Variants in STRN4 observed in about 807,000 individuals in gnomAD.
The protein encoded by STRN4 is striatin 4.
In STRN4, 27 loss-of-function variants were observed where a neutral mutation model predicts 77.9. The observed-to-expected ratio is 0.35, with a 90% CI of 0.26 to 0.48. The LOEUF is 0.48. Among genes scored for constraint, STRN4 ranks in the 20% least tolerant of loss-of-function variants. The pLI, the probability that STRN4 is intolerant of heterozygous loss-of-function variation, is 0.99. For synonymous variants in STRN4, 466 were observed against 443.1 expected, an observed-to-expected ratio of 1.05 and a Z score of -0.65; for missense variants, 798 against 1,049.7, an observed-to-expected ratio of 0.76 and a Z score of 3.31.
intron 6 of STRN4, among the ~76,000 whole-genome samples, 189 bp downstream of exon 6, chr19:46,730,543 G>A (rs936408333): frequency 1.3e-5 from 2 of 152,164 alleles, no homozygotes; most frequent in African/African-American, 2.4e-5. Flanking sequence ...CCACCACAAC[G>A]CGTCCTTCTG....
At position 46,728,639 on chromosome 19, in the gene STRN4, C is replaced by A; in HGVS notation, c.1018G>T (p.Asp340Tyr). 1.2e-6 allele frequency: 2 copies of A among 1,613,888 alleles called. No homozygotes were observed. Among genetic ancestry groups the A allele is most frequent in the South Asian group, 1.1e-5 (1 of 91,082 alleles). ...TCACCCAGCTCATGGGGGCTCCCAT[C>A]CACAGTGCACCGCCGAGGGTCTGGA... Reference protein sequence around the residue: ...GAPDPRRCTVDGSPHELESRR... With the variant: ...GAPDPRRCTVYGSPHELESRR... The change falls in exon 7 of 18, where the codon GAT (aspartate) becomes TAT (tyrosine). Residue 340 changes from aspartate to tyrosine, a missense_variant. By Grantham distance (160) the Asp-to-Tyr change is radical (BLOSUM62 -3). This residue lies in a region of STRN4 where 511 missense variants were observed against 575.9 expected (regional missense o/e 0.89). Transcript: ENST00000263280.
intron 1 of STRN4, among the ~76,000 whole-genome samples, chr19:46,742,853 GC>G (rs1303805566): frequency 6.6e-6 from 1 of 152,200 alleles, no homozygotes; most frequent in Non-Finnish European, 1.5e-5. Context: ...GAGCCACCGC[GC>G]CCAGCCCAAT....
At position 46,733,253 on chromosome 19, in the gene STRN4, C is replaced by T; in HGVS notation, c.540-17G>A. 1.2e-6 allele frequency: 2 copies of T among 1,605,308 alleles called. No homozygotes were observed. The highest frequency in any genetic ancestry group is 1.7e-6 in the Non-Finnish European group (2 of 1,178,708). ...TCCAGGTACCTGCAGGGGTGCAGAG[C>T]CACGTGGGTCAGACATCCCCTGGGC... On this transcript the variant is annotated splice_polypyrimidine_tract_variant and intron_variant, in intron 4 of 17. Coordinates refer to ENST00000263280, the MANE Select transcript of STRN4 (RefSeq NM_013403.3). This position sits in a 1 kb window ranked among gnomAD's most constrained non-coding sequence, Gnocchi z 4.3.
At chr19:46,744,170 T>C (rs1229821615) in intron 1 of STRN4, among the ~76,000 whole-genome samples, 2 of 152,186 alleles carry the variant, frequency 1.3e-5, no homozygotes, top group Admixed American at 1.3e-4. Context: ...GGTACCGTTA[T>C]TGCTGAGTGA....
chr19:46,739,070 T>A (rs2054426282), intron 1 of STRN4, among the ~76,000 whole-genome samples, 182 bp from the exon 2 acceptor site: 1 of 152,154 alleles, frequency 6.6e-6, no homozygotes, highest in Non-Finnish European at 1.5e-5. Context: ...ACAGGATGGA[T>A]CTGTTTCCAG....
chr19:46,734,098 G>A (rs975299081), intron 4 of STRN4, among the ~76,000 whole-genome samples: 2 of 152,184 alleles, frequency 1.3e-5, no homozygotes, highest in African/African-American at 4.8e-5. Flanking sequence ...GTGTGTCTGA[G>A]GCTCCTATCT....
At position 46,741,770 on chromosome 19, in the gene STRN4, C is replaced by T. The variant is rs1196749977; in HGVS notation, c.283-2882G>A. Among the ~76,000 whole-genome samples, 1 of 152,240 alleles carries T rather than the reference C, an allele frequency of 6.6e-6. No homozygotes were observed. Among genetic ancestry groups the T allele is most frequent in the African/African-American group, 2.4e-5 (1 of 41,468 alleles). On this transcript the variant is annotated intron_variant, in intron 1 of 17. Coordinates refer to ENST00000263280, the MANE Select transcript of STRN4 (RefSeq NM_013403.3). This position sits in a 1 kb window ranked among gnomAD's most constrained non-coding sequence, Gnocchi z 4.9. ...AGGAGTCCCAGCAATTCAGTCCTCC[C>T]AGGAGCTGATGCCTCTCTGAATTCG...
chr19:46,736,789 C>A (rs1212182026), intron 4 of STRN4, 34 bp downstream of exon 4: 3 of 1,605,212 alleles, frequency 1.9e-6, no homozygotes, highest in Non-Finnish European at 2.6e-6. Flanking sequence ...AAACGTGTCA[C>A]GTGTCCCCAG....
intron 1 of STRN4, among the ~76,000 whole-genome samples, chr19:46,739,711 C>A (rs1034723048): frequency 6.6e-6 from 1 of 152,226 alleles, no homozygotes; most frequent in Non-Finnish European, 1.5e-5. Context: ...AGCCAGAGCC[C>A]AGGCCCAACT....
intron 12 of STRN4, among the ~76,000 whole-genome samples, chr19:46,724,509 C>A (rs2054060436): frequency 6.6e-6 from 1 of 152,212 alleles, no homozygotes; most frequent in Non-Finnish European, 1.5e-5. Context: ...GCCAGCCACG[C>A]CTGTGCATGG....
chr19:46,725,368 A>T lies in STRN4; in HGVS notation c.1436T>A (p.Leu479Gln), dbSNP rs938427245. The T allele has an allele frequency of 4.3e-6, 7 of 1,613,998 alleles. No homozygotes were observed. The highest frequency in any genetic ancestry group is 5.9e-6 in the Non-Finnish European group (7 of 1,180,034). The change falls in exon 11 of 18, where the codon CTA becomes CAA. Residue 479 changes from leucine to glutamine, a missense_variant. Physicochemically the swap from Leu to Gln is moderately radical, Grantham distance 113 (BLOSUM62 -2). This residue lies in a region of STRN4 where 287 missense variants were observed against 473.8 expected (regional missense o/e 0.61). Transcript: ENST00000263280. ...KAVTAKKNAA[L>Q]DVEPIHAFRA... ...GAAAGCATGTATAGGTTCCACATCT[A>T]GCGCCGCATTCCTGTGGGATGACAG...
chr19:46,743,071 C>G (rs1283600192), intron 1 of STRN4, among the ~76,000 whole-genome samples: 5 of 152,182 alleles, frequency 3.3e-5, no homozygotes, highest in East Asian at 1.9e-4. Context: ...AGAAAGAGTT[C>G]TCTGTGCTGA....
At position 46,719,672 on chromosome 19, in the gene STRN4, G is replaced by A. The variant is rs755326491; in HGVS notation, c.*733C>T. 3 of 151,996 alleles carry A rather than the reference G, an allele frequency of 2.0e-5. No homozygotes were observed. The highest frequency in any genetic ancestry group is 4.4e-5 in the Non-Finnish European group (3 of 67,868). 9.4% of individuals were successfully genotyped at this position (151,996 alleles called of 1,614,324 possible). Reference sequence around the variant, plus strand: ...AAAGAGTGGAGACAGGGAGGAGACTGACTGAGACCATCACACAGTGATAAT... The same window carrying A: ...AAAGAGTGGAGACAGGGAGGAGACTAACTGAGACCATCACACAGTGATAAT... On this transcript the variant is annotated 3_prime_UTR_variant, in exon 18 of 18. Transcript: ENST00000263280.
At chr19:46,721,777 A>G in intron 16 of STRN4, 1 of 558,456 alleles carries the variant, frequency 1.8e-6, no homozygotes, top group Non-Finnish European at 3.2e-6. Flanking sequence ...GGCTGCTTAG[A>G]GGCCGAATGA....
chr19:46,741,512 C>T lies in STRN4; in HGVS notation c.283-2624G>A, dbSNP rs1273149147. ...AAAACGGGAAGCGTCAGTGGCCAGTCTCTCCCTCGCTGCAAACGCCAGCAG... is the reference window on the plus strand; with the variant it reads ...AAAACGGGAAGCGTCAGTGGCCAGTTTCTCCCTCGCTGCAAACGCCAGCAG... On this transcript the variant is annotated intron_variant, in intron 1 of 17. Coordinates refer to ENST00000263280, the MANE Select transcript of STRN4 (RefSeq NM_013403.3). This position sits in a 1 kb window ranked among gnomAD's most constrained non-coding sequence, Gnocchi z 4.9. Among the ~76,000 whole-genome samples the T allele has an allele frequency of 6.6e-6, 1 of 152,202 alleles. No homozygotes were observed. Among genetic ancestry groups the T allele is most frequent in the African/African-American group, 2.4e-5 (1 of 41,454 alleles).
Position 46,746,309 on chromosome 19 carries a change from G to C in STRN4, c.122C>G (p.Pro41Arg), listed in dbSNP as rs749699244. 12 of 1,370,882 alleles carry C rather than the reference G, an allele frequency of 8.8e-6. No individual in the cohort carries two copies. Among genetic ancestry groups the C allele is most frequent in the Non-Finnish European group, 1.1e-5 (12 of 1,066,794 alleles). 84.9% of individuals were successfully genotyped at this position (1,370,882 alleles called of 1,614,324 possible). The change falls in exon 1 of 18, where the codon CCG becomes CGG. Residue 41 changes from proline (P) to arginine (R), a missense_variant. Pro to Arg is a moderately radical substitution (Grantham distance 103). This residue lies in a region of STRN4 where 511 missense variants were observed against 575.9 expected (regional missense o/e 0.89). Coordinates refer to ENST00000263280, the MANE Select transcript of STRN4 (RefSeq NM_013403.3). ...AAPVSAPAPG[P>R]GPAGKGGGGG... ...GCCGCCTCCCTTACCTGCCGGGCCC[G>C]GCCCGGGGGCAGGGGCGGAGACCGG...
At position 46,736,805 on chromosome 19, in the gene STRN4, C is replaced by T. The variant is rs761733973; in HGVS notation, c.539+18G>A. The T allele has an allele frequency of 6.8e-6, 11 of 1,611,630 alleles. No individual in the cohort carries two copies. The African/African-American group carries it at 1.3e-4, about 20-fold the overall frequency. On this transcript the variant is annotated intron_variant, in intron 4 of 17. Coordinates refer to ENST00000263280, the MANE Select transcript of STRN4 (RefSeq NM_013403.3). ...AACGTGTCACGTGTCCCCAGCCCCC[C>T]TCCCCGAGCACACTCACTGTCGGAG...
rs749688463 is a variant in STRN4 at position 46,723,247 on chromosome 19, C to A, written c.1632G>T (p.Gly544=). The change falls in exon 13 of 18, where the codon GGG becomes GGT. Residue 544 remains glycine (G), a synonymous_variant. Transcript: ENST00000263280. This position sits in a 1 kb window ranked among gnomAD's most constrained non-coding sequence, Gnocchi z 5.5. ...SVLSHVLEGH[G]DAVWGLAFSP... The stretch of plus-strand genomic sequence containing the variant: ...TGAAGGCCAGGCCCCACACGGCGTC[C>A]CCGTGGCCCTCCAGGACGTGGCTCA... The A allele has an allele frequency of 1.3e-6, 2 of 1,550,776 alleles. No homozygotes were observed. Among genetic ancestry groups the A allele is most frequent in the South Asian group, 2.4e-5 (2 of 84,260 alleles).
At chr19:46,732,210 A>G (rs1482884994) in intron 5 of STRN4, 2 of 152,582 alleles carry the variant, frequency 1.3e-5, no homozygotes, top group Non-Finnish European at 2.9e-5. Flanking sequence ...ACATCGAGCC[A>G]TCTCCTAACT....
Sources: gnomAD v4.1 joint callset for allele counts (sites outside exome capture counted in the v4.1 genomes callset) on GRCh38, gnomAD v4.1.1 for gene constraint, gnomAD v4.1.1 regional missense constraint, Gnocchi (gnomAD v3.1) non-coding constraint, MANE v1.5 for transcripts, NCBI Gene and HGNC (gene_info 2026-07-23, HGNC 2026-07-21) for gene names.